Variants in CCKBR observed in about 807,000 individuals in gnomAD.
CCKBR encodes gastrin/cholecystokinin type B receptor.
In CCKBR, 33 loss-of-function variants were observed where a neutral mutation model predicts 34.6. The ratio of observed to expected loss-of-function variants is 0.95; its 90% CI spans 0.72 to 1.27. The LOEUF is 1.27. Among genes scored for constraint, CCKBR ranks in the 50% most tolerant of loss-of-function variants. The pLI is 0.00. For synonymous variants in CCKBR, 269 were observed against 267.5 expected, an observed-to-expected ratio of 1.01 and a Z score of -0.06; for missense variants, 652 against 617.4, an observed-to-expected ratio of 1.06 and a Z score of -0.59.
chr11:6,265,349 T>A (rs1368591714), intron 1 of CCKBR, among the ~76,000 whole-genome samples: 1 of 152,218 alleles, frequency 6.6e-6, no homozygotes, highest in Non-Finnish European at 1.5e-5. Flanking sequence ...TTTAGCTCCA[T>A]CTTTATGGTC....
chr11:6,268,012 T>C (rs1848234149), intron 1 of CCKBR, among the ~76,000 whole-genome samples: 1 of 152,288 alleles, frequency 6.6e-6, no homozygotes, highest in East Asian at 1.9e-4. Flanking sequence ...ACCCAGCTAA[T>C]TTTTTATGTT....
chr11:6,260,466 G>A, intron 1 of CCKBR, among the ~76,000 whole-genome samples: 1 of 152,160 alleles, frequency 6.6e-6, no homozygotes, highest in South Asian at 2.1e-4. Flanking sequence ...AACAGAGAAG[G>A]GAAGGAAGAA....
At position 6,271,666 on chromosome 11, in the gene CCKBR, C is replaced by A; in HGVS notation, c.*123C>A. ...CACCCAAAGCATGGACTAACCCCAA[C>A]GCACAGGAAAAGGTAGCTTACCTGA... On this transcript the variant is annotated 3_prime_UTR_variant, in exon 5 of 5. Transcript: ENST00000334619. 2.1e-6 allele frequency: 2 copies of A among 965,990 alleles called. No homozygotes were observed. The highest frequency in any genetic ancestry group is 1.7e-5 in the South Asian group (1 of 58,316). The allele number at this position is 965,990 out of a possible 1,614,324, so 59.8% of individuals were successfully genotyped here.
intron 1 of CCKBR, 40 bp downstream of exon 1, chr11:6,260,119 A>G (rs1324983124): frequency 1.3e-6 from 2 of 1,483,348 alleles, no homozygotes; most frequent in East Asian, 5.3e-5. Flanking sequence ...GCTATTTCTC[A>G]CTGTACCCCA....
At chr11:6,269,601 C>G in intron 1 of CCKBR, 68 bp from the exon 2 acceptor site, 1 of 1,563,296 alleles carries the variant, frequency 6.4e-7, no homozygotes, top group Non-Finnish European at 8.7e-7. Flanking sequence ...GGGGATAAGA[C>G]GGAAGGAGGG....
At position 6,270,423 on chromosome 11, in the gene CCKBR, T is replaced by G. The variant is rs970917034; in HGVS notation, c.653+86T>G. On this transcript the variant is annotated intron_variant, in intron 3 of 4. Coordinates refer to ENST00000334619, the MANE Select transcript of CCKBR (RefSeq NM_176875.4). Reference sequence around the variant, plus strand: ...CCATTGCCCAGAATCTTCCTCCAGCTTCCCGGAGAATTACCACGCCAACTC... The same window carrying G: ...CCATTGCCCAGAATCTTCCTCCAGCGTCCCGGAGAATTACCACGCCAACTC... 5 of 1,517,718 alleles carry G rather than the reference T, an allele frequency of 3.3e-6. No individual in the cohort carries two copies. In the African/African-American group the frequency reaches 6.8e-5, roughly 21 times the overall value. The allele number at this position is 1,517,718 out of a possible 1,614,324, so 94.0% of individuals were successfully genotyped here.
intron 1 of CCKBR, among the ~76,000 whole-genome samples, chr11:6,261,462 T>TAC (rs60678871): frequency 0.12 from 7,608 of 63,866 alleles, 881 homozygotes; most frequent in African/African-American, 0.24. Flanking sequence ...AAAATATATA[T>TAC]ACACACACAC....
At chr11:6,267,261 A>G (rs554599480) in intron 1 of CCKBR, among the ~76,000 whole-genome samples, 2 of 152,366 alleles carry the variant, frequency 1.3e-5, no homozygotes, top group Admixed American at 1.3e-4. Flanking sequence ...TTGTAATAAC[A>G]CAGTGTAAAA....
intron 1 of CCKBR, among the ~76,000 whole-genome samples, 192 bp from the exon 2 acceptor site, chr11:6,269,477 T>G (rs1195860025): frequency 6.6e-6 from 1 of 151,884 alleles, no homozygotes; most frequent in East Asian, 1.9e-4. Context: ...AAGGGCAGAG[T>G]TGGGCCAATT....
chr11:6,264,577 G>A (rs1267747777), intron 1 of CCKBR: 19 of 700,858 alleles, frequency 2.7e-5, no homozygotes, highest in Non-Finnish European at 4.9e-5. Flanking sequence ...CCAGGAAGAT[G>A]ATGAGATGAT....
rs1266496447 is a variant in CCKBR, at chr11:6,270,418, C to G, written c.653+81C>G. 2.6e-6 allele frequency: 4 copies of G among 1,523,084 alleles called. No homozygotes were observed. In the African/African-American group the frequency reaches 4.1e-5, roughly 16 times the overall value. 94.3% of individuals were successfully genotyped at this position (1,523,084 alleles called of 1,614,324 possible). A position where few individuals can be genotyped will look rare whatever the true frequency, so the allele number is the denominator to read the frequency against. On this transcript the variant is annotated intron_variant, in intron 3 of 4. Transcript: ENST00000334619. ...TACGACCATTGCCCAGAATCTTCCT[C>G]CAGCTTCCCGGAGAATTACCACGCC...
chr11:6,262,891 C>A (rs1848158124), intron 1 of CCKBR, among the ~76,000 whole-genome samples: 1 of 152,112 alleles, frequency 6.6e-6, no homozygotes, highest in Non-Finnish European at 1.5e-5. Flanking sequence ...ATTGAAGGTG[C>A]AGATAAGAAA....
chr11:6,269,544 C>T (rs1284854702), intron 1 of CCKBR, 125 bp from the exon 2 acceptor site: 3 of 1,083,668 alleles, frequency 2.8e-6, no homozygotes, highest in Non-Finnish European at 4.1e-6. Context: ...ATTTACTGAG[C>T]AGTTCATCGG....
rs1848100731 is a variant in CCKBR, at chr11:6,259,902, A to G, written c.-27A>G. On this transcript the variant is annotated 5_prime_UTR_variant, in exon 1 of 5. Coordinates refer to ENST00000334619, the MANE Select transcript of CCKBR (RefSeq NM_176875.4). ...GTTGGGAGCCCGCCGGGTCGAGCTG[A>G]GTAAGGCGGCGGGCTCGGCGGGGGC... 7 of 1,423,056 alleles carry G rather than the reference A, an allele frequency of 4.9e-6. No homozygotes were observed. Among genetic ancestry groups the G allele is most frequent in the Non-Finnish European group, 4.6e-6 (5 of 1,091,718 alleles). The allele number at this position is 1,423,056 out of a possible 1,614,324, so 88.2% of individuals were successfully genotyped here.
chr11:6,261,270 T>C (rs1392506704), intron 1 of CCKBR, among the ~76,000 whole-genome samples: 1 of 151,006 alleles, frequency 6.6e-6, no homozygotes, highest in Admixed American at 6.6e-5. Flanking sequence ...AAGCAGGGGA[T>C]TGCAGCACAA....
At chr11:6,264,127 C>T (rs1848176191) in intron 1 of CCKBR, among the ~76,000 whole-genome samples, 1 of 152,194 alleles carries the variant, frequency 6.6e-6, no homozygotes, top group Non-Finnish European at 1.5e-5. Flanking sequence ...CTTTCACCTA[C>T]CCATATACTA....
chr11:6,261,476 C>T (rs1379928264), intron 1 of CCKBR, among the ~76,000 whole-genome samples: 5 of 127,376 alleles, frequency 3.9e-5, no homozygotes, highest in South Asian at 2.7e-4. Flanking sequence ...CACACACACA[C>T]ACACACACAC....
At chr11:6,264,763 G>C in intron 1 of CCKBR, 1 of 460,910 alleles carries the variant, frequency 2.2e-6, no homozygotes, top group South Asian at 4.3e-5. Context: ...GTCTAAGTCT[G>C]ATTTATTTTG....
chr11:6,270,455 TGCATCCACCACC>T, intron 3 of CCKBR, 118 bp downstream of exon 3: 1 of 1,432,510 alleles, frequency 7.0e-7, no homozygotes, highest in Non-Finnish European at 9.5e-7. Context: ...ACTCCTATTC[TGCATCCACCACC>T]CTGGAGTTCC....
Sources: allele counts gnomAD v4.1 joint callset (sites outside exome capture counted in the v4.1 genomes callset), GRCh38; gene constraint gnomAD v4.1.1; transcripts MANE v1.5; gene names NCBI Gene and HGNC (gene_info 2026-07-23, HGNC 2026-07-21).